The following IGSF10 variants were observed in gnomAD, a reference collection of about 807,000 sequenced individuals.
The protein encoded by IGSF10 is calvaria mechanical force protein 608.
Under a neutral mutation model 128.2 loss-of-function variants are expected in IGSF10, and 126 were observed. The observed-to-expected ratio is 0.98, with a 90% CI of 0.85 to 1.14. The LOEUF is 1.14. Among genes scored for constraint, IGSF10 ranks in the 50% most tolerant of loss-of-function variants. The probability of loss-of-function intolerance (pLI) is 0.00; values close to 1 mark genes in which losing one functional copy is unlikely to be tolerated. For synonymous variants in IGSF10, 1,185 were observed against 1,146.2 expected (o/e 1.03, Z -0.68); for missense variants, 3,295 against 3,149.8 (o/e 1.05, Z -1.10).
chr3:151,607,038 T>A, the IGSF10 span, among the ~76,000 whole-genome samples: 1 of 152,226 alleles, frequency 6.6e-6, no homozygotes, highest in Non-Finnish European at 1.5e-5. Context: ...TACTTCCCTG[T>A]CTCAAATCTC....
the IGSF10 span, among the ~76,000 whole-genome samples, chr3:151,535,528 C>A: frequency 2.6e-5 from 4 of 152,132 alleles, no homozygotes; most frequent in Non-Finnish European, 5.9e-5. Flanking sequence ...CAATCGTACC[C>A]TAAACCCCAC....
At position 151,448,499 on chromosome 3, in the gene IGSF10, G is replaced by A. The variant is rs1310403598; in HGVS notation, c.1482C>T (p.Gly494=). Reference sequence around the variant, plus strand: ...GGTCTCCTTGGCCTGGGCAGTTCAGGCCAACGGTTCCACCTACCAAGACAG... The same window carrying A: ...GGTCTCCTTGGCCTGGGCAGTTCAGACCAACGGTTCCACCTACCAAGACAG... ...EHTVLVGGTV[G]LNCPGQGDPT... is the part of the protein sequence containing the mutation. Residue 494 remains glycine (G), a synonymous_variant, in exon 6 of 8, where the codon GGC becomes GGT. Transcript: ENST00000282466. The A allele has an allele frequency of 6.8e-6, 11 of 1,614,040 alleles. No homozygotes were observed. The African/African-American group carries it at 1.1e-4, about 16-fold the overall frequency.
the IGSF10 span, among the ~76,000 whole-genome samples, chr3:151,569,006 C>T: frequency 1.2e-4 from 18 of 152,284 alleles, no homozygotes; most frequent in African/African-American, 2.9e-4. Flanking sequence ...CTGAGGTAGC[C>T]GAACCTAGCA....
the IGSF10 span, among the ~76,000 whole-genome samples, chr3:151,547,338 T>C: frequency 2.0e-5 from 3 of 152,024 alleles, no homozygotes; most frequent in African/African-American, 7.2e-5. Context: ...GTGATTATGT[T>C]CTTGCACAAT....
At position 151,445,354 on chromosome 3, in the gene IGSF10, AG is replaced by A; in HGVS notation, c.4626del (p.Tyr1543ThrfsTer13). On this transcript the variant is annotated frameshift_variant, in exon 6 of 8. Coordinates refer to ENST00000282466, the MANE Select transcript of IGSF10 (RefSeq NM_178822.5). LOFTEE classifies it high-confidence loss of function. ...AKFTIGTTHF[I>X]YSNLLHSTPM... is the part of the protein sequence containing the mutation. ...GGAGTAGAATGTAACAGATTAGAGT[AG>A]ATGAAGTGAGTGGTTCCAATTGTGA... The A allele has an allele frequency of 1.9e-6, 3 of 1,614,202 alleles. No individual in the cohort carries two copies. The highest frequency in any genetic ancestry group is 2.5e-6 in the Non-Finnish European group (3 of 1,180,004).
At chr3:151,608,825 C>T in the IGSF10 span, among the ~76,000 whole-genome samples, 1 of 152,112 alleles carries the variant, frequency 6.6e-6, no homozygotes, top group South Asian at 2.1e-4. Context: ...ATATGATACA[C>T]ACTAAGGGAC....
the IGSF10 span, among the ~76,000 whole-genome samples, chr3:151,563,279 C>T: frequency 2.6e-5 from 4 of 152,196 alleles, no homozygotes; most frequent in East Asian, 1.9e-4. Context: ...TGCTAAGGCC[C>T]GTACCTCTGC....
chr3:151,435,629 T>TAAGTA (rs914954121), downstream of IGSF10: 35 of 115,736 alleles, frequency 3.0e-4, no homozygotes, highest in African/African-American at 1.2e-3. Context: ...AATTCTTAAG[T>TAAGTA]AAGTACTAGG....
chr3:151,440,405 T>C (rs923581173), intron 7 of IGSF10, among the ~76,000 whole-genome samples: 11 of 152,092 alleles, frequency 7.2e-5, no homozygotes, highest in East Asian at 1.9e-4. Context: ...AATTTTTTTT[T>C]CCCCAAGTAT....
intron 5 of IGSF10, 88 bp downstream of exon 5, chr3:151,453,296 T>C (rs763221627): frequency 2.2e-5 from 22 of 1,004,298 alleles, no homozygotes; most frequent in Non-Finnish European, 3.0e-5. Context: ...CTCTCCTAAA[T>C]TACCCTGGGC....
chr3:151,433,743 A>G (rs957781384), downstream of IGSF10: 3 of 152,664 alleles, frequency 2.0e-5, no homozygotes, highest in Non-Finnish European at 4.4e-5. Context: ...ATCTGGCCCC[A>G]AAGTCCAGAA....
chr3:151,617,354 C>CCTCCTT, the IGSF10 span, among the ~76,000 whole-genome samples: 2 of 146,512 alleles, frequency 1.4e-5, no homozygotes, highest in Non-Finnish European at 3.0e-5. Context: ...TCCTCCTCCT[C>CCTCCTT]CTCCTTCTCC....
the IGSF10 span, among the ~76,000 whole-genome samples, chr3:151,505,974 T>A: frequency 6.7e-6 from 1 of 148,314 alleles, no homozygotes; most frequent in Non-Finnish European, 1.5e-5. Context: ...TTTTTTGAGA[T>A]GGAGTCTCGC....
Position 151,443,014 on chromosome 3 carries a change from G to A in IGSF10, c.5933C>T (p.Pro1978Leu). Residue 1978 changes from proline to leucine, a missense_variant, in exon 7 of 8, where the codon CCA (proline) becomes CTA (leucine). Coordinates refer to ENST00000282466, the MANE Select transcript of IGSF10 (RefSeq NM_178822.5). Reference sequence around the variant, plus strand: ...CTGCTGGTCGACCACAGCCTTGGATGGTAACCTCCACATTATTTGGGGTTT... The same window carrying A: ...CTGCTGGTCGACCACAGCCTTGGATAGTAACCTCCACATTATTTGGGGTTT... ...EPKPQIMWRL[P>L]SKAVVDQQHR... 6.2e-7 allele frequency: 1 copy of A among 1,614,124 alleles called. No homozygotes were observed. The highest frequency in any genetic ancestry group is 1.1e-5 in the South Asian group (1 of 91,050).
chr3:151,462,883 C>A (rs1032199084), upstream of IGSF10, among the ~76,000 whole-genome samples: 1 of 152,152 alleles, frequency 6.6e-6, no homozygotes. Context: ...AACTTGGATG[C>A]TTGCTTTGGA....
chr3:151,568,343 C>T, the IGSF10 span, among the ~76,000 whole-genome samples: 1 of 152,116 alleles, frequency 6.6e-6, no homozygotes, highest in African/African-American at 2.4e-5. Flanking sequence ...ACTGTGCAAA[C>T]CAAAATCCTT....
chr3:151,596,856 T>C, the IGSF10 span, among the ~76,000 whole-genome samples: 190 of 152,104 alleles, frequency 1.2e-3, no homozygotes, highest in African/African-American at 4.3e-3. Context: ...GTGGTGGGAG[T>C]TTGAAATCGC....
chr3:151,535,129 TAAC>T, the IGSF10 span, among the ~76,000 whole-genome samples: 8 of 152,272 alleles, frequency 5.3e-5, no homozygotes, highest in South Asian at 4.1e-4. Flanking sequence ...ACTCAAATGG[TAAC>T]AACATCTGAC....
At chr3:151,557,935 C>T in the IGSF10 span, among the ~76,000 whole-genome samples, 1 of 134,878 alleles carries the variant, frequency 7.4e-6, no homozygotes, top group Admixed American at 8.1e-5. Flanking sequence ...AAAAAAACTC[C>T]GTGAGCTGTA....
Sources: allele counts gnomAD v4.1 joint callset (sites outside exome capture counted in the v4.1 genomes callset), GRCh38; gene constraint gnomAD v4.1.1; transcripts MANE v1.5; gene names NCBI Gene and HGNC (gene_info 2026-07-23, HGNC 2026-07-21).